ARPC2: variants seen among roughly 807,000 people sequenced by gnomAD.
The protein encoded by ARPC2 is actin-related protein 2/3 complex subunit 2.
In ARPC2, 4 loss-of-function variants were observed where a neutral mutation model predicts 38.6. The observed-to-expected ratio is 0.10, with a 90% CI of 0.05 to 0.24. The LOEUF (loss-of-function observed/expected upper bound fraction) is 0.24, where lower values mean the gene tolerates loss of function less well. Ranked by LOEUF, ARPC2 falls within the 10% of genes least tolerant of loss-of-function variation. The pLI is 1.00. For missense variants in ARPC2, 229 were observed against 387.3 expected (o/e 0.59, Z 3.43); for synonymous variants, 125 against 140.8 (o/e 0.89, Z 0.79).
intron 10 of ARPC2, among the ~76,000 whole-genome samples, chr2:218,252,076 A>C (rs1442688846): frequency 6.6e-6 from 1 of 152,128 alleles, no homozygotes; most frequent in Non-Finnish European, 1.5e-5. Flanking sequence ...ATACAGAATT[A>C]GCTAGGCATG....
intron 2 of ARPC2, among the ~76,000 whole-genome samples, chr2:218,219,052 A>G (rs1278553789): frequency 6.6e-6 from 1 of 152,178 alleles, no homozygotes; most frequent in Non-Finnish European, 1.5e-5. Flanking sequence ...TAACTTCTGC[A>G]TTTTCATAAC....
At chr2:218,223,442 C>T (rs1689428208) in intron 2 of ARPC2, among the ~76,000 whole-genome samples, 1 of 121,286 alleles carries the variant, frequency 8.2e-6, no homozygotes, top group Admixed American at 8.2e-5. Flanking sequence ...TTTGGATATG[C>T]CAAAGAGAAC....
chr2:218,221,016 C>T (rs1689371153), intron 2 of ARPC2, among the ~76,000 whole-genome samples: 1 of 152,204 alleles, frequency 6.6e-6, no homozygotes, highest in Non-Finnish European at 1.5e-5. Context: ...CTTACCCAGA[C>T]CCTCAAAGCA....
At chr2:218,250,030 T>C (rs933971332) in intron 10 of ARPC2, 109 bp downstream of exon 10, 5 of 941,744 alleles carry the variant, frequency 5.3e-6, no homozygotes, top group Admixed American at 2.5e-5. Context: ...TGGCTACATA[T>C]GAGGTCAGCA....
intron 8 of ARPC2, among the ~76,000 whole-genome samples, chr2:218,247,908 A>G (rs1303371776): frequency 1.3e-5 from 2 of 151,252 alleles, no homozygotes; most frequent in African/African-American, 4.9e-5. Flanking sequence ...ACGCGACTGC[A>G]CTCCAGCCTG....
Position 218,234,532 on chromosome 2 carries a change from A to G in ARPC2, c.268+135A>G, listed in dbSNP as rs1008973835. 8 of 747,754 alleles carry G rather than the reference A, an allele frequency of 1.1e-5. No individual in the cohort carries two copies. The African/African-American group carries it at 1.1e-4, about 10-fold the overall frequency. The allele number at this position is 747,754 out of a possible 1,614,324, so 46.3% of individuals were successfully genotyped here. A position where few individuals can be genotyped will look rare whatever the true frequency, so the allele number is the denominator to read the frequency against. On this transcript the variant is annotated intron_variant, in intron 5 of 10. Coordinates refer to ENST00000315717, the MANE Select transcript of ARPC2 (RefSeq NM_152862.3). ...CTGCATGAGCCCATTCCTAATTTCA[A>G]CTCCGTCCATAAAAATAGCTTTTAA...
chr2:218,224,923 C>T (rs1194619183), intron 2 of ARPC2, among the ~76,000 whole-genome samples: 2 of 152,132 alleles, frequency 1.3e-5, no homozygotes, highest in East Asian at 1.9e-4. Context: ...GAGCAGAGAT[C>T]GTGGAAAGAT....
chr2:218,222,881 C>T (rs752055561), intron 2 of ARPC2, among the ~76,000 whole-genome samples: 2 of 152,086 alleles, frequency 1.3e-5, no homozygotes, highest in Non-Finnish European at 1.5e-5. Flanking sequence ...AAGTAAGCAC[C>T]GTGCAGGCAT....
At chr2:218,226,732 T>G (rs1007451035) in intron 3 of ARPC2, among the ~76,000 whole-genome samples, 4 of 151,778 alleles carry the variant, frequency 2.6e-5, no homozygotes, top group African/African-American at 7.3e-5. Context: ...TTTAATCCAC[T>G]GATGACTGAC....
intron 2 of ARPC2, among the ~76,000 whole-genome samples, chr2:218,217,750 GA>G (rs1437931489): frequency 2.6e-5 from 4 of 152,350 alleles, no homozygotes; most frequent in Non-Finnish European, 5.9e-5. Flanking sequence ...TCAGAGGAGG[GA>G]TGCGGAAGCA....
At chr2:218,247,064 G>T (rs2106158680) in intron 8 of ARPC2, among the ~76,000 whole-genome samples, 1 of 152,280 alleles carries the variant, frequency 6.6e-6, no homozygotes, top group Non-Finnish European at 1.5e-5. Context: ...GGTAGAGGCT[G>T]CAGTGAGCTG....
intron 6 of ARPC2, 130 bp from the exon 7 acceptor site, chr2:218,239,261 A>T (rs1559480842): frequency 1.8e-5 from 12 of 662,604 alleles, no homozygotes; most frequent in Non-Finnish European, 2.4e-5. Context: ...ATATCATCTC[A>T]TTTGGCACAC....
rs1421273072 is a variant in ARPC2 at position 218,254,295 on chromosome 2, T to A, written c.*380T>A. ...CCTAAGTATTTGAGTTCAAAACTCC[T>A]GTATCTAAAGAAATACGGTTGGGGT... On this transcript the variant is annotated 3_prime_UTR_variant, in exon 11 of 11. Transcript: ENST00000315717. The A allele has an allele frequency of 5.1e-6, 1 of 195,960 alleles. No homozygotes were observed. Among genetic ancestry groups the A allele is most frequent in the South Asian group, 9.5e-5 (1 of 10,544 alleles). The allele number at this position is 195,960 out of a possible 1,614,324, so 12.1% of individuals were successfully genotyped here.
At chr2:218,250,776 G>T (rs1311628388) in intron 10 of ARPC2, among the ~76,000 whole-genome samples, 3 of 152,150 alleles carry the variant, frequency 2.0e-5, no homozygotes, top group Non-Finnish European at 2.9e-5. Flanking sequence ...AAAGGTGCCA[G>T]ACCTTGGTTC....
rs544234878 is a variant in ARPC2 at position 218,226,030 on chromosome 2, C to T, written c.109+76C>T. On this transcript the variant is annotated intron_variant, in intron 3 of 10. Transcript: ENST00000315717. ...AGGAAATAGGCTGGGTGCAGTGGCA[C>T]ATGCCTGTAATCCCAGCACTTTGGG... The T allele has an allele frequency of 8.2e-6, 12 of 1,467,544 alleles. No individual in the cohort carries two copies. In the African/African-American group the frequency reaches 9.7e-5, roughly 12 times the overall value. 90.9% of individuals were successfully genotyped at this position (1,467,544 alleles called of 1,614,324 possible). A position where few individuals can be genotyped will look rare whatever the true frequency, so the allele number is the denominator to read the frequency against.
Position 218,239,533 on chromosome 2 carries a change from T to C in ARPC2, c.549+49T>C, listed in dbSNP as rs1689858470. On this transcript the variant is annotated intron_variant, in intron 7 of 10. Coordinates refer to ENST00000315717, the MANE Select transcript of ARPC2 (RefSeq NM_152862.3). ...AAACCCATGCATGGCGACTTATACC[T>C]TTGCACCCAAACATACCATGAGCGT... 4.2e-6 allele frequency: 6 copies of C among 1,412,540 alleles called. 1 individual carries two copies. In the South Asian group the frequency reaches 6.9e-5, roughly 16 times the overall value. The allele number at this position is 1,412,540 out of a possible 1,614,324, so 87.5% of individuals were successfully genotyped here.
At position 218,253,875 on chromosome 2, in the gene ARPC2, A is replaced by C. The variant is rs778910951; in HGVS notation, c.879-16A>C. 24 of 1,613,694 alleles carry C rather than the reference A, an allele frequency of 1.5e-5. No homozygotes were observed. Among genetic ancestry groups the C allele is most frequent in the Non-Finnish European group, 1.9e-5 (22 of 1,179,944 alleles). On this transcript the variant is annotated splice_polypyrimidine_tract_variant and intron_variant, in intron 10 of 10. Coordinates refer to ENST00000315717, the MANE Select transcript of ARPC2 (RefSeq NM_152862.3). ...CAGCCAGAAACTGACCTTCGCACTT[A>C]TCTCTCCTTTTGAAGGGGGAAGACG...
At chr2:218,234,790 A>G in intron 5 of ARPC2, 1 of 463,166 alleles carries the variant, frequency 2.2e-6, no homozygotes, top group South Asian at 1.5e-5. Flanking sequence ...GAAGAGGAAT[A>G]TTCACCACAC....
intron 10 of ARPC2, among the ~76,000 whole-genome samples, chr2:218,251,027 G>C (rs766903559): frequency 1.3e-4 from 20 of 151,842 alleles, no homozygotes; most frequent in Non-Finnish European, 2.5e-4. Flanking sequence ...GTAGAGATGG[G>C]GTTTCACCAT....
Sources: allele counts gnomAD v4.1 joint callset (sites outside exome capture counted in the v4.1 genomes callset), GRCh38; gene constraint gnomAD v4.1.1; transcripts MANE v1.5; gene names NCBI Gene and HGNC (gene_info 2026-07-23, HGNC 2026-07-21).